SYT10: variants seen among roughly 807,000 people sequenced by gnomAD.
SYT10 encodes the protein synaptotagmin 10.
In SYT10, 31 loss-of-function variants were observed where a neutral mutation model predicts 51.1. The observed-to-expected ratio is 0.61, with a 90% CI of 0.46 to 0.82. The LOEUF (loss-of-function observed/expected upper bound fraction) is 0.82, where lower values mean the gene tolerates loss of function less well. Among genes scored for constraint, SYT10 ranks in the 40% least tolerant of loss-of-function variants. The probability of loss-of-function intolerance (pLI) is 0.00; values close to 1 mark genes in which losing one functional copy is unlikely to be tolerated. For missense variants in SYT10, 603 were observed against 634.0 expected (o/e 0.95, Z 0.53); for synonymous variants, 233 against 225.9 (o/e 1.03, Z -0.28).
At chr12:33,393,940 G>C (rs375226437) in intron 3 of SYT10, among the ~76,000 whole-genome samples, 3 of 152,260 alleles carry the variant, frequency 2.0e-5, no homozygotes, top group East Asian at 3.9e-4. Flanking sequence ...TATAGAAAAG[G>C]AACACTTTAT....
intron 3 of SYT10, among the ~76,000 whole-genome samples, chr12:33,402,534 A>C (rs74626479): frequency 0.03 from 4,516 of 152,210 alleles, 186 homozygotes; most frequent in East Asian, 0.14. Flanking sequence ...CATATACTTT[A>C]TTTCTTTGTT....
intron 1 of SYT10, chr12:33,432,629 C>T (rs1408285420): frequency 2.0e-5 from 3 of 151,966 alleles, no homozygotes; most frequent in African/African-American, 7.2e-5. Flanking sequence ...CCTATAAATC[C>T]ATGACTACTA....
chr12:33,390,936 T>C (rs955498739), intron 3 of SYT10, among the ~76,000 whole-genome samples: 2 of 152,058 alleles, frequency 1.3e-5, no homozygotes, highest in African/African-American at 4.8e-5. Flanking sequence ...TTTTTTGTTG[T>C]TGTTGTTGTT....
At chr12:33,404,381 AT>A (rs1455556431) in intron 3 of SYT10, among the ~76,000 whole-genome samples, 1 of 151,934 alleles carries the variant, frequency 6.6e-6, no homozygotes, top group African/African-American at 2.4e-5. Flanking sequence ...TCCATGTCAG[AT>A]TTTTATTTTT....
intron 2 of SYT10, among the ~76,000 whole-genome samples, chr12:33,413,173 T>C (rs1412722728): frequency 3.9e-5 from 6 of 152,108 alleles, no homozygotes; most frequent in East Asian, 1.9e-4. Flanking sequence ...CCAAGAAATA[T>C]GGGACTATGT....
intron 3 of SYT10, among the ~76,000 whole-genome samples, chr12:33,392,872 G>C (rs1866220987): frequency 6.7e-6 from 1 of 149,190 alleles, no homozygotes; most frequent in Non-Finnish European, 1.5e-5. Flanking sequence ...CTATTGCCAG[G>C]ACACTGTTTA....
At chr12:33,431,871 T>C (rs1441408290) in intron 1 of SYT10, among the ~76,000 whole-genome samples, 1 of 152,046 alleles carries the variant, frequency 6.6e-6, no homozygotes, top group Admixed American at 6.5e-5. Context: ...ACATCCCACA[T>C]ATTTGCACAG....
At chr12:33,400,135 G>C (rs1224557150) in intron 3 of SYT10, among the ~76,000 whole-genome samples, 1 of 152,010 alleles carries the variant, frequency 6.6e-6, no homozygotes, top group Non-Finnish European at 1.5e-5. Context: ...CTGGAATTTT[G>C]CCACTCTTTA....
chr12:33,397,463 T>C (rs1866266162), intron 3 of SYT10, among the ~76,000 whole-genome samples: 1 of 152,182 alleles, frequency 6.6e-6, no homozygotes, highest in Admixed American at 6.5e-5. Context: ...GCCTGAGGTT[T>C]TCTTGCAGGG....
At chr12:33,416,653 A>G (rs1033600675) in intron 2 of SYT10, among the ~76,000 whole-genome samples, 3 of 152,128 alleles carry the variant, frequency 2.0e-5, no homozygotes, top group African/African-American at 4.8e-5. Context: ...CTCAGTCACT[A>G]TCATGTAAAT....
intron 3 of SYT10, among the ~76,000 whole-genome samples, chr12:33,393,618 A>C (rs1386902009): frequency 6.6e-6 from 1 of 150,902 alleles, no homozygotes; most frequent in Non-Finnish European, 1.5e-5. Context: ...TATTGATTCT[A>C]AGGGAGTCTA....
At chr12:33,424,003 C>T (rs1866527499) in intron 2 of SYT10, 1 of 455,814 alleles carries the variant, frequency 2.2e-6, no homozygotes, top group Admixed American at 2.4e-5. Context: ...TCTTCTTTCC[C>T]CAACCACTCA....
At chr12:33,410,534 T>C (rs4931718) in intron 2 of SYT10, among the ~76,000 whole-genome samples, 1,672 of 152,072 alleles carry the variant, frequency 0.011, 98 homozygotes, top group Admixed American at 0.082. Flanking sequence ...AAAGGACCTA[T>C]CGTTCAATAC....
chr12:33,439,528 G>A lies in SYT10; in HGVS notation c.-6C>T, dbSNP rs769775622. On this transcript the variant is annotated 5_prime_UTR_variant, in exon 1 of 7. Transcript: ENST00000228567. Reference sequence around the variant, plus strand: ...TCCTCCTTGTGGAAACTCATCGTTTGGCTTTTCTTTCGTTTTCTCTTTTTT... The same window carrying A: ...TCCTCCTTGTGGAAACTCATCGTTTAGCTTTTCTTTCGTTTTCTCTTTTTT... 21 of 1,611,718 alleles carry A rather than the reference G, an allele frequency of 1.3e-5. No homozygotes were observed. In the East Asian group the frequency reaches 4.7e-4, roughly 36 times the overall value.
chr12:33,381,774 A>T (rs1866117222), intron 5 of SYT10, among the ~76,000 whole-genome samples: 1 of 152,058 alleles, frequency 6.6e-6, no homozygotes, highest in Non-Finnish European at 1.5e-5. Context: ...AGCAGGAGTG[A>T]CTCAAAGAGT....
chr12:33,431,197 A>G (rs1239541675), intron 1 of SYT10, among the ~76,000 whole-genome samples: 1 of 152,220 alleles, frequency 6.6e-6, no homozygotes, highest in Non-Finnish European at 1.5e-5. Flanking sequence ...TTTCATTTTA[A>G]AAGTACAAAT....
chr12:33,432,692 C>T (rs1338651420), intron 1 of SYT10: 2 of 151,868 alleles, frequency 1.3e-5, no homozygotes, highest in African/African-American at 2.4e-5. Context: ...AACAATAGTC[C>T]TTGTTTAATT....
chr12:33,379,578 AAAG>A lies in SYT10; in HGVS notation c.1500+251_1500+253del, dbSNP rs1245696219. 3.9e-3 allele frequency among the ~76,000 whole-genome samples: 557 copies of A among 144,272 alleles called. 94 individuals are homozygous for A. The highest frequency in any genetic ancestry group is 0.015 in the African/African-American group (529 of 35,442). The allele number at this position is 144,272 out of a possible 152,430, so 94.6% of individuals were successfully genotyped here. On this transcript the variant is annotated intron_variant, in intron 6 of 6. Transcript: ENST00000228567. ...AAAAAAAAAAAAAAAAAAAAAAAAAAAAGAGACTTGCAAATGGCTTACTGTCCA... is the reference window on the plus strand; with the variant it reads ...AAAAAAAAAAAAAAAAAAAAAAAAAAAGACTTGCAAATGGCTTACTGTCCA...
rs762778446 is a variant in SYT10 at position 33,386,558 on chromosome 12, A to AACTC, written c.1078-1271_1078-1268dup. 1.4e-4 allele frequency among the ~76,000 whole-genome samples: 22 copies of AACTC among 152,032 alleles called. No homozygotes were observed. In the East Asian group the frequency reaches 4.1e-3, roughly 28 times the overall value. ...ATATGGCTGACTTCTTACCATGCAGAACTCAACTCAAACAGCATCTCTGCA... is the reference window on the plus strand; with the variant it reads ...ATATGGCTGACTTCTTACCATGCAGAACTCACTCAACTCAAACAGCATCTCTGCA... On this transcript the variant is annotated intron_variant, in intron 3 of 6. Coordinates refer to ENST00000228567, the MANE Select transcript of SYT10 (RefSeq NM_198992.4).
Sources: gnomAD v4.1 joint callset for allele counts (sites outside exome capture counted in the v4.1 genomes callset) on GRCh38, gnomAD v4.1.1 for gene constraint, MANE v1.5 for transcripts, NCBI Gene and HGNC (gene_info 2026-07-23, HGNC 2026-07-21) for gene names.